FER1L6: variants seen among roughly 807,000 people sequenced by gnomAD.
FER1L6 encodes the protein fer-1 like family member 6, also known as fer-1-like protein 6.
FER1L6 carries 177 observed loss-of-function variants against 219.2 expected under a neutral mutation model. The ratio of observed to expected loss-of-function variants is 0.81; its 90% CI spans 0.71 to 0.91. The LOEUF (loss-of-function observed/expected upper bound fraction) is 0.91, where lower values mean the gene tolerates loss of function less well. FER1L6 is among the 40% of genes least tolerant of loss of function. The pLI, the probability that FER1L6 is intolerant of heterozygous loss-of-function variation, is 0.00. For synonymous variants in FER1L6, 768 were observed against 824.3 expected (o/e 0.93, Z 1.17); for missense variants, 2,153 against 2,259.9 (o/e 0.95, Z 0.96).
intron 20 of FER1L6, among the ~76,000 whole-genome samples, chr8:124,043,553 T>C (rs1819595883): frequency 6.6e-6 from 1 of 152,190 alleles, no homozygotes; most frequent in African/African-American, 2.4e-5. Flanking sequence ...GGAAGGAATG[T>C]ACAAGGTTAT....
intron 18 of FER1L6, among the ~76,000 whole-genome samples, chr8:124,026,620 G>A (rs1461987837): frequency 3.3e-5 from 5 of 152,102 alleles, no homozygotes; most frequent in Admixed American, 2.6e-4. Flanking sequence ...AACACACCCT[G>A]GGCAACTATT....
intron 22 of FER1L6, among the ~76,000 whole-genome samples, chr8:124,055,081 A>C (rs1820222395): frequency 6.6e-6 from 1 of 152,178 alleles, no homozygotes; most frequent in African/African-American, 2.4e-5. Context: ...GAGATTTGAC[A>C]TGTGAGGTTT....
chr8:123,898,850 C>CATACATATAT (rs1563677735), intron 1 of FER1L6, among the ~76,000 whole-genome samples: 12 of 67,288 alleles, frequency 1.8e-4, no homozygotes, highest in Non-Finnish European at 4.1e-4. Context: ...TACATATATA[C>CATACATATAT]ACACACACAC....
In FER1L6 at chr8:123,852,871, A is replaced by G. The variant is rs1378031681; in HGVS notation, c.-8+686A>G. On this transcript the variant is annotated intron_variant, in intron 1 of 40. Coordinates refer to ENST00000522917, the MANE Select transcript of FER1L6 (RefSeq NM_001039112.2). This position sits in a 1 kb window ranked among gnomAD's most constrained non-coding sequence, Gnocchi z 4.9. ...TTTCTGTTCTAGGAGCCAGTCCAGAATCCCACATTGTAATTTTTGGAGATG... is the reference window on the plus strand; with the variant it reads ...TTTCTGTTCTAGGAGCCAGTCCAGAGTCCCACATTGTAATTTTTGGAGATG... 6.6e-6 allele frequency among the ~76,000 whole-genome samples: 1 copy of G among 152,190 alleles called. No homozygotes were observed. Among genetic ancestry groups the G allele is most frequent in the African/African-American group, 2.4e-5 (1 of 41,438 alleles).
intron 15 of FER1L6, 34 bp downstream of exon 15, chr8:124,013,565 G>GAGACCACAGAAGCTC: frequency 1.4e-6 from 2 of 1,459,306 alleles, no homozygotes; most frequent in Non-Finnish European, 1.9e-6. Flanking sequence ...AGGCGGAGCT[G>GAGACCACAGAAGCTC]AGCTTCTGTG....
chr8:123,872,303 C>T (rs1395939566), intron 1 of FER1L6, among the ~76,000 whole-genome samples: 1 of 152,166 alleles, frequency 6.6e-6, no homozygotes, highest in Non-Finnish European at 1.5e-5. Flanking sequence ...AGTATCCAAA[C>T]TATATCACCG....
chr8:123,986,120 C>T lies in FER1L6; in HGVS notation c.1463C>T (p.Ala488Val), dbSNP rs148194966. ...TTACTCTTTGGAGCATTTTTTGAAGCTACCATGATTGACCGGAAGATTGGA... is the reference window on the plus strand; with the variant it reads ...TTACTCTTTGGAGCATTTTTTGAAGTTACCATGATTGACCGGAAGATTGGA... ...EFLLFGAFFE[A>V]TMIDRKIGDK... Residue 488 changes from alanine to valine, a missense_variant, in exon 12 of 41, where the codon GCT becomes GTT. By Grantham distance (64) the Ala-to-Val change is moderately conservative. Transcript: ENST00000522917. The T allele has an allele frequency of 3.7e-6, 6 of 1,613,690 alleles. No individual in the cohort carries two copies. The Admixed American group carries it at 6.7e-5, about 18-fold the overall frequency.
intron 1 of FER1L6, among the ~76,000 whole-genome samples, chr8:123,900,639 T>A (rs1055029307): frequency 1.3e-5 from 2 of 152,216 alleles, no homozygotes; most frequent in African/African-American, 4.8e-5. Flanking sequence ...TATGTGGGTT[T>A]GTCATAGATG....
rs182671768 is a variant in FER1L6, at chr8:124,060,741, A to C, written c.3147+32A>C. On this transcript the variant is annotated intron_variant, in intron 24 of 40. Coordinates refer to ENST00000522917, the MANE Select transcript of FER1L6 (RefSeq NM_001039112.2). ...GCTTCTCACTCTCCCGACCTGGCTC[A>C]TTCCTCTTTTTTGCACAGATGAGAT... 37 of 1,602,082 alleles carry C rather than the reference A, an allele frequency of 2.3e-5. 1 individual carries two copies. In the East Asian group the frequency reaches 7.0e-4, roughly 30 times the overall value.
chr8:124,048,176 G>A (rs942105529), intron 21 of FER1L6, among the ~76,000 whole-genome samples: 7 of 152,200 alleles, frequency 4.6e-5, no homozygotes, highest in African/African-American at 1.7e-4. Context: ...TCTCAACCAA[G>A]TTTCCTTCTA....
At position 123,852,969 on chromosome 8, in the gene FER1L6, G is replaced by C. The variant is rs190073866; in HGVS notation, c.-8+784G>C. ...ATATATGAAATATGTATTAGATATA[G>C]ATGTATTCTATGTGTCTATTTAGCT... On this transcript the variant is annotated intron_variant, in intron 1 of 40. Coordinates refer to ENST00000522917, the MANE Select transcript of FER1L6 (RefSeq NM_001039112.2). This position sits in a 1 kb window ranked among gnomAD's most constrained non-coding sequence, Gnocchi z 4.9. Among the ~76,000 whole-genome samples the C allele has an allele frequency of 1.3e-5, 2 of 152,104 alleles. No homozygotes were observed. The highest frequency in any genetic ancestry group is 2.9e-5 in the Non-Finnish European group (2 of 68,036).
At chr8:123,885,996 T>C (rs1383692838) in intron 1 of FER1L6, among the ~76,000 whole-genome samples, 9 of 152,236 alleles carry the variant, frequency 5.9e-5, no homozygotes, top group African/African-American at 1.7e-4. Context: ...CAGAGGCTCT[T>C]ACATACTTCT....
chr8:124,114,327 GCTTT>G (rs888258437), intron 39 of FER1L6, among the ~76,000 whole-genome samples: 2 of 151,312 alleles, frequency 1.3e-5, no homozygotes, highest in African/African-American at 4.9e-5. Context: ...TTTTTCCCTT[GCTTT>G]TTTTGTTGTT....
At chr8:123,903,586 T>A (rs1232549771) in intron 1 of FER1L6, among the ~76,000 whole-genome samples, 2 of 152,204 alleles carry the variant, frequency 1.3e-5, no homozygotes, top group Non-Finnish European at 2.9e-5. Context: ...CATGTTTACG[T>A]AAAATTAAAT....
intron 38 of FER1L6, 110 bp from the exon 39 acceptor site, chr8:124,103,036 T>C (rs1489125513): frequency 4.2e-5 from 42 of 1,010,140 alleles, no homozygotes; most frequent in Non-Finnish European, 1.8e-5. Context: ...TGGTACTGAT[T>C]GAATGAGTAG....
intron 39 of FER1L6, among the ~76,000 whole-genome samples, chr8:124,116,870 G>A (rs1823271889): frequency 6.6e-6 from 1 of 152,192 alleles, no homozygotes; most frequent in South Asian, 2.1e-4. Flanking sequence ...TATTTCTTGA[G>A]TCTCTCCCAG....
Position 124,071,517 on chromosome 8 carries a change from C to T in FER1L6, c.3978C>T (p.Cys1326=). ...TTTTGTGGTTCCAGGGCTCCTTCTG[C>T]ATCTACAAAAGCCCCCAGGATTCTA... ...RVIGKFKGSF[C]IYKSPQDSSS... is the part of the protein sequence containing the mutation. Residue 1326 remains cysteine, a synonymous_variant, in exon 31 of 41, where the codon TGC becomes TGT. Coordinates refer to ENST00000522917, the MANE Select transcript of FER1L6 (RefSeq NM_001039112.2). 6.2e-7 allele frequency: 1 copy of T among 1,614,082 alleles called. No homozygotes were observed.
intron 33 of FER1L6, among the ~76,000 whole-genome samples, chr8:124,083,664 T>C (rs540566326): frequency 6.6e-6 from 1 of 152,334 alleles, no homozygotes; most frequent in South Asian, 2.1e-4. Context: ...GCTCTTCTGG[T>C]TACTATAGCT....
rs192709664 is a variant in FER1L6, at chr8:124,110,610, C to G, written c.5289+7301C>G. On this transcript the variant is annotated intron_variant, in intron 39 of 40. Coordinates refer to ENST00000522917, the MANE Select transcript of FER1L6 (RefSeq NM_001039112.2). ...CATTGAGTAGTCACTAAAAGCAACCCGTTAAGAGATTGCAAAGACAGAAAT... is the reference window on the plus strand; with the variant it reads ...CATTGAGTAGTCACTAAAAGCAACCGGTTAAGAGATTGCAAAGACAGAAAT... Among the ~76,000 whole-genome samples the G allele has an allele frequency of 1.7e-4, 26 of 152,232 alleles. No homozygotes were observed. The East Asian group carries it at 4.8e-3, about 28-fold the overall frequency.
Sources: gnomAD v4.1 joint callset for allele counts (sites outside exome capture counted in the v4.1 genomes callset) on GRCh38, gnomAD v4.1.1 for gene constraint, Gnocchi (gnomAD v3.1) non-coding constraint, MANE v1.5 for transcripts, NCBI Gene and HGNC (gene_info 2026-07-23, HGNC 2026-07-21) for gene names.